RAB37: variants seen among roughly 807,000 people sequenced by gnomAD.
RAB37 encodes RAB37, member RAS oncogene family.
Under a neutral mutation model 33.1 loss-of-function variants are expected in RAB37, and 29 were observed. The ratio of observed to expected loss-of-function variants is 0.88; its 90% CI spans 0.65 to 1.20. The LOEUF (loss-of-function observed/expected upper bound fraction) is 1.20, where lower values mean the gene tolerates loss of function less well. Among genes scored for constraint, RAB37 ranks in the 50% most tolerant of loss-of-function variants. RAB37 has a pLI of 0.00. For synonymous variants in RAB37, 128 were observed against 119.5 expected (o/e 1.07, Z -0.47); for missense variants, 299 against 301.1 (o/e 0.99, Z 0.05).
Position 74,740,144 on chromosome 17 carries a change from A to G in RAB37, c.94-624A>G, listed in dbSNP as rs573153329. On this transcript the variant is annotated intron_variant, in intron 1 of 8. Transcript: ENST00000392613. ...GCACTCCAGCCTGGGCAACAAGAGC[A>G]AAACTCCATCTCAAAAAAAAAAAGA... Among the ~76,000 whole-genome samples, 25 of 151,888 alleles carry G rather than the reference A, an allele frequency of 1.6e-4. No individual in the cohort carries two copies. The East Asian group carries it at 3.9e-3, about 24-fold the overall frequency.
chr17:74,744,785 G>T lies in RAB37; in HGVS notation c.433-88G>T. The T allele has an allele frequency of 6.7e-7, 1 of 1,493,054 alleles. No homozygotes were observed. Among genetic ancestry groups the T allele is most frequent in the South Asian group, 1.1e-5 (1 of 88,334 alleles). The allele number at this position is 1,493,054 out of a possible 1,614,324, so 92.5% of individuals were successfully genotyped here. On this transcript the variant is annotated intron_variant, in intron 6 of 8. Transcript: ENST00000392613. The surrounding 1 kb of genome is among the most constrained non-coding windows in gnomAD (Gnocchi z 4.2). ...TGCAGTCCCTTGGGCCACCAGCAGAGGGCAGGCAACGCCTGCTTCTGGGGC... is the reference window on the plus strand; with the variant it reads ...TGCAGTCCCTTGGGCCACCAGCAGATGGCAGGCAACGCCTGCTTCTGGGGC...
intron 1 of RAB37, chr17:74,695,336 G>A (rs529808655): frequency 6.6e-7 from 1 of 1,513,660 alleles, no homozygotes; most frequent in Non-Finnish European, 9.0e-7. Context: ...GAGGATAGTG[G>A]GGATGGACCA....
intron 1 of RAB37, among the ~76,000 whole-genome samples, chr17:74,714,396 A>AAAACAC (rs1555590438): frequency 7.3e-6 from 1 of 137,874 alleles, no homozygotes; most frequent in African/African-American, 2.7e-5. Flanking sequence ...TGTCTCTTTA[A>AAAACAC]ACACACACAC....
At chr17:74,681,643 T>G (rs1226492515) in intron 1 of RAB37, among the ~76,000 whole-genome samples, 1 of 152,210 alleles carries the variant, frequency 6.6e-6, no homozygotes, top group African/African-American at 2.4e-5. Context: ...TCTGCAGGCA[T>G]GTCCTCCAGG....
intron 3 of RAB37, 44 bp from the exon 4 acceptor site, chr17:74,743,085 C>A: frequency 6.4e-7 from 1 of 1,572,394 alleles, no homozygotes. Flanking sequence ...ACATTCCTTG[C>A]ACCTGCCTCC....
chr17:74,704,884 G>C, intron 1 of RAB37: 1 of 1,244,416 alleles, frequency 8.0e-7, no homozygotes, highest in Non-Finnish European at 1.1e-6. Context: ...TTCTGTTTAG[G>C]GAATAGCTCC....
At position 74,738,704 on chromosome 17, in the gene RAB37, C is replaced by G. The variant is rs1239682713; in HGVS notation, c.93+1339C>G. 6.6e-6 allele frequency among the ~76,000 whole-genome samples: 1 copy of G among 152,200 alleles called. No individual in the cohort carries two copies. Among genetic ancestry groups the G allele is most frequent in the African/African-American group, 2.4e-5 (1 of 41,448 alleles). On this transcript the variant is annotated intron_variant, in intron 1 of 8. Coordinates refer to ENST00000392613, the MANE Select transcript of RAB37 (RefSeq NM_001006638.3). This position sits in a 1 kb window ranked among gnomAD's most constrained non-coding sequence, Gnocchi z 5.0. Reference sequence around the variant, plus strand: ...AAGCTCCTATCCCCCACCCCTTCATCTGTTCCCTGGCCAAGCGGCATTGGC... The same window carrying G: ...AAGCTCCTATCCCCCACCCCTTCATGTGTTCCCTGGCCAAGCGGCATTGGC...
rs201839620 is a variant in RAB37 at position 74,744,887 on chromosome 17, C to T, written c.447C>T (p.Ser149=). 1.2e-5 allele frequency: 20 copies of T among 1,614,140 alleles called. No homozygotes were observed. The highest frequency in any genetic ancestry group is 3.3e-5 in the South Asian group (3 of 91,088). The change falls in exon 7 of 9, where the codon AGC becomes AGT. Residue 149 remains serine, a synonymous_variant. Coordinates refer to ENST00000392613, the MANE Select transcript of RAB37 (RefSeq NM_001006638.3). The surrounding 1 kb of genome is among the most constrained non-coding windows in gnomAD (Gnocchi z 4.2). ...MLLGNKADMS[S]ERVIRSEDGE... is the part of the protein sequence containing the mutation. The stretch of plus-strand genomic sequence containing the variant: ...GGGCTTGACAGGCGGATATGAGCAG[C>T]GAAAGAGTGATCCGTTCCGAAGACG...
chr17:74,725,089 A>T (rs1339851486), intron 1 of RAB37, among the ~76,000 whole-genome samples: 1 of 152,184 alleles, frequency 6.6e-6, no homozygotes, highest in Non-Finnish European at 1.5e-5. Flanking sequence ...TTCCCTCCTG[A>T]ACAAAATACC....
At position 74,742,903 on chromosome 17, in the gene RAB37, G is replaced by A. The variant is rs1410814359; in HGVS notation, c.247-226G>A. ...GCCTCCCAAAGTGCTGGGATTACAG[G>A]TGTAAGCCACCGCGCTCGGCTGAGG... On this transcript the variant is annotated intron_variant, in intron 3 of 8. Coordinates refer to ENST00000392613, the MANE Select transcript of RAB37 (RefSeq NM_001006638.3). This position sits in a 1 kb window ranked among gnomAD's most constrained non-coding sequence, Gnocchi z 4.0. Among the ~76,000 whole-genome samples the A allele has an allele frequency of 6.6e-6, 1 of 152,166 alleles. No individual in the cohort carries two copies. Among genetic ancestry groups the A allele is most frequent in the African/African-American group, 2.4e-5 (1 of 41,428 alleles).
intron 1 of RAB37, chr17:74,696,152 A>C: frequency 6.3e-7 from 1 of 1,580,242 alleles, no homozygotes; most frequent in Non-Finnish European, 8.6e-7. Context: ...AAGGGGAAAG[A>C]AGCTGCCTGG....
At chr17:74,712,746 G>A (rs1045059086) in intron 1 of RAB37, 92 of 1,470,648 alleles carry the variant, frequency 6.3e-5, no homozygotes, top group African/African-American at 3.7e-4. Flanking sequence ...CCTTCTGGCC[G>A]GGTCCCTTCT....
intron 1 of RAB37, among the ~76,000 whole-genome samples, chr17:74,682,174 G>C (rs2143478049): frequency 6.6e-6 from 1 of 152,280 alleles, no homozygotes; most frequent in East Asian, 1.9e-4. Context: ...TTGTGATCAG[G>C]ACTCTCGATT....
intron 1 of RAB37, among the ~76,000 whole-genome samples, chr17:74,698,914 TTTTC>T (rs1367261600): frequency 6.6e-6 from 1 of 152,062 alleles, no homozygotes; most frequent in Admixed American, 6.6e-5. Context: ...TTGTTTTTGG[TTTTC>T]TTTGTTTTTC....
At position 74,717,109 on chromosome 17, in the gene RAB37, T is replaced by C. The variant is rs941714175; in HGVS notation, c.73-12147T>C. On this transcript the variant is annotated intron_variant, in intron 1 of 7. Transcript: ENST00000340415. ...GAGATCGCACCATTGCATTCCAGCC[T>C]GGGCAACGAGAGCGAAACTCTGTCT... 5.9e-5 allele frequency among the ~76,000 whole-genome samples: 9 copies of C among 152,200 alleles called. 1 individual carries two copies. Among genetic ancestry groups the C allele is most frequent in the African/African-American group, 2.2e-4 (9 of 41,444 alleles).
intron 1 of RAB37, among the ~76,000 whole-genome samples, chr17:74,739,258 T>C (rs2144065942): frequency 6.6e-6 from 1 of 152,316 alleles, no homozygotes; most frequent in East Asian, 1.9e-4. Context: ...TTATCCAAGA[T>C]TGGAGAACAG....
rs997534368 is a variant in RAB37, at chr17:74,738,900, T to A, written c.93+1535T>A. ...CTGGGTCTTAGGTGATTCACCACGA[T>A]GATGGGCCCTAGCCATTAACAGACT... On this transcript the variant is annotated intron_variant, in intron 1 of 8. Coordinates refer to ENST00000392613, the MANE Select transcript of RAB37 (RefSeq NM_001006638.3). The surrounding 1 kb of genome is among the most constrained non-coding windows in gnomAD (Gnocchi z 5.0). Among the ~76,000 whole-genome samples the A allele has an allele frequency of 6.6e-6, 1 of 152,164 alleles. No homozygotes were observed. Among genetic ancestry groups the A allele is most frequent in the Non-Finnish European group, 1.5e-5 (1 of 68,014 alleles).
chr17:74,708,222 A>G lies in RAB37; in HGVS notation c.73-21034A>G, dbSNP rs544459583. Among the ~76,000 whole-genome samples, 194 of 152,272 alleles carry G rather than the reference A, an allele frequency of 1.3e-3. 3 individuals are homozygous for G. The highest frequency in any genetic ancestry group is 0.01 in the Middle Eastern group (3 of 294). ...ATATGCTAAAATCAGCACAAAATAA[A>G]TAGAAAACCTGAATCATTCCACAGC... On this transcript the variant is annotated intron_variant, in intron 1 of 7. Coordinates refer to the RAB37 transcript ENST00000340415.
chr17:74,707,076 C>G (rs919865099), intron 1 of RAB37, among the ~76,000 whole-genome samples: 1 of 152,134 alleles, frequency 6.6e-6, no homozygotes, highest in Non-Finnish European at 1.5e-5. Flanking sequence ...TTGGTCTTGG[C>G]GATGATGTCT....
Sources: gnomAD v4.1 joint callset for allele counts (sites outside exome capture counted in the v4.1 genomes callset) on GRCh38, gnomAD v4.1.1 for gene constraint, Gnocchi (gnomAD v3.1) non-coding constraint, MANE v1.5 for transcripts, NCBI Gene and HGNC (gene_info 2026-07-23, HGNC 2026-07-21) for gene names.